The following PSTPIP2 variants were observed in gnomAD, a reference collection of about 807,000 sequenced individuals.
PSTPIP2 encodes proline-serine-threonine phosphatase interacting protein 2, also known as proline-serine-threonine phosphatase-interacting protein 2.
In PSTPIP2, 33 loss-of-function variants were observed where a neutral mutation model predicts 63.3. The observed-to-expected ratio is 0.52, with a 90% CI of 0.40 to 0.70. The LOEUF (loss-of-function observed/expected upper bound fraction) is 0.70. Ranked by LOEUF, PSTPIP2 falls within the 30% of genes least tolerant of loss-of-function variation. PSTPIP2 has a pLI of 0.00. For synonymous variants in PSTPIP2, 125 were observed against 132.7 expected (o/e 0.94, Z 0.40); for missense variants, 312 against 400.7 (o/e 0.78, Z 1.89).
rs540115510 is a variant in PSTPIP2, at chr18:45,990,688, T to C, written c.955+34A>G. 1.4e-4 allele frequency: 218 copies of C among 1,565,226 alleles called. 1 individual carries two copies. The East Asian group carries it at 4.7e-3, about 34-fold the overall frequency. On this transcript the variant is annotated intron_variant, in intron 13 of 14. Transcript: ENST00000409746. ...CAAGTGATCTGCCTGCCTTGCAATA[T>C]AAGAATTTCAAAAGACCTTTTTTAG...
At position 46,039,846 on chromosome 18, in the gene PSTPIP2, T is replaced by C. The variant is rs1306398725; in HGVS notation, c.134+101A>G. On this transcript the variant is annotated intron_variant, in intron 2 of 14. Coordinates refer to ENST00000409746, the MANE Select transcript of PSTPIP2 (RefSeq NM_024430.4). ...CATAACCTAGAGCAGAGAGAGGGTC[T>C]TCAGAACCATTAAACACAAATGAAA... 4 of 1,006,290 alleles carry C rather than the reference T, an allele frequency of 4.0e-6. No homozygotes were observed. In the Admixed American group the frequency reaches 5.3e-5, roughly 13 times the overall value. 62.3% of individuals were successfully genotyped at this position (1,006,290 alleles called of 1,614,324 possible). A position where few individuals can be genotyped will look rare whatever the true frequency, so the allele number is the denominator to read the frequency against.
intron 1 of PSTPIP2, among the ~76,000 whole-genome samples, chr18:46,068,273 A>G (rs1456815741): frequency 2.0e-5 from 3 of 152,102 alleles, no homozygotes; most frequent in African/African-American, 7.2e-5. Flanking sequence ...CATTTTATAG[A>G]AAGAATCTGA....
At chr18:46,057,813 C>T (rs570648112) in intron 1 of PSTPIP2, among the ~76,000 whole-genome samples, 3 of 151,610 alleles carry the variant, frequency 2.0e-5, no homozygotes, top group Admixed American at 6.6e-5. Context: ...CTGGCTAACA[C>T]GGTGAAACCC....
At chr18:46,040,189 G>A in intron 1 of PSTPIP2, 142 bp from the exon 2 acceptor site, 1 of 556,102 alleles carries the variant, frequency 1.8e-6, no homozygotes, top group Non-Finnish European at 3.1e-6. Flanking sequence ...CCACTTAGGA[G>A]CCTGTCAGGC....
chr18:46,041,392 A>G (rs974715714), intron 1 of PSTPIP2, among the ~76,000 whole-genome samples: 1 of 152,030 alleles, frequency 6.6e-6, no homozygotes, highest in African/African-American at 2.4e-5. Flanking sequence ...GACTACAGGG[A>G]CATGCCACCA....
intron 1 of PSTPIP2, among the ~76,000 whole-genome samples, chr18:46,048,413 T>C (rs1414840790): frequency 3.3e-5 from 5 of 152,226 alleles, no homozygotes; most frequent in Non-Finnish European, 5.9e-5. Flanking sequence ...TAAATCATCT[T>C]GTTTTAAGCA....
intron 6 of PSTPIP2, 109 bp from the exon 7 acceptor site, chr18:45,999,643 G>GA: frequency 9.5e-7 from 1 of 1,051,912 alleles, no homozygotes; most frequent in Non-Finnish European, 1.4e-6. Flanking sequence ...TCTGATTAGT[G>GA]CTCTGATTGT....
intron 5 of PSTPIP2, among the ~76,000 whole-genome samples, chr18:46,007,586 T>C (rs2051741998): frequency 6.6e-6 from 1 of 152,238 alleles, no homozygotes; most frequent in Non-Finnish European, 1.5e-5. Flanking sequence ...GCAGATCAGT[T>C]AGCAACGTTG....
intron 6 of PSTPIP2, among the ~76,000 whole-genome samples, chr18:46,001,099 G>T (rs2051660804): frequency 6.6e-6 from 1 of 152,142 alleles, no homozygotes; most frequent in African/African-American, 2.4e-5. Context: ...CTTTCCTTTG[G>T]ATAAATACCT....
chr18:45,986,197 T>A (rs960253067), intron 14 of PSTPIP2, among the ~76,000 whole-genome samples: 2 of 152,240 alleles, frequency 1.3e-5, no homozygotes, highest in Non-Finnish European at 2.9e-5. Context: ...ATTCAGTATA[T>A]GTTGTATACT....
At position 46,011,191 on chromosome 18, in the gene PSTPIP2, T is replaced by C. The variant is rs1317430919; in HGVS notation, c.344A>G (p.Gln115Arg). The change falls in exon 5 of 15, where the codon CAA becomes CGA. Residue 115 changes from glutamine (Q) to arginine (R), a missense_variant. Coordinates refer to ENST00000409746, the MANE Select transcript of PSTPIP2 (RefSeq NM_024430.4). ...GTATGCAAATCCAACCTTTTTTCGT[T>C]GTAGTTTTTGCTTTTCCCTGAATTC... ...MEEFREKQKL[Q>R]RKKTELIMDA... 6.2e-7 allele frequency: 1 copy of C among 1,613,160 alleles called. No individual in the cohort carries two copies. The highest frequency in any genetic ancestry group is 2.2e-5 in the East Asian group (1 of 44,878).
intron 2 of PSTPIP2, chr18:46,029,314 T>G: frequency 6.5e-7 from 1 of 1,539,342 alleles, no homozygotes; most frequent in Non-Finnish European, 9.0e-7. Context: ...TTGCTATCGA[T>G]GAAGACCAAA....
chr18:45,996,083 T>TG (rs2144064694), intron 9 of PSTPIP2, among the ~76,000 whole-genome samples: 1 of 152,330 alleles, frequency 6.6e-6, no homozygotes, highest in South Asian at 2.1e-4. Context: ...CCCAAAGTGC[T>TG]GGGATTACAG....
intron 1 of PSTPIP2, among the ~76,000 whole-genome samples, chr18:46,064,501 T>C (rs1909111937): frequency 7.0e-6 from 1 of 142,164 alleles, no homozygotes; most frequent in Admixed American, 7.2e-5. Flanking sequence ...GGTTTCACCA[T>C]GTTGACCAGC....
chr18:46,047,035 G>A (rs1291695815), intron 1 of PSTPIP2, among the ~76,000 whole-genome samples: 1 of 152,246 alleles, frequency 6.6e-6, no homozygotes, highest in South Asian at 2.1e-4. Context: ...TTCCTTATTC[G>A]CTTTCCTTGT....
At chr18:46,037,568 C>T (rs904186312) in intron 2 of PSTPIP2, among the ~76,000 whole-genome samples, 8 of 152,212 alleles carry the variant, frequency 5.3e-5, no homozygotes, top group African/African-American at 1.9e-4. Context: ...AAGCATCCTG[C>T]ACCCACCCGA....
chr18:46,016,130 A>C, intron 3 of PSTPIP2, 193 bp from the exon 4 acceptor site: 1 of 592,880 alleles, frequency 1.7e-6, no homozygotes. Context: ...AGGCACAAGA[A>C]ATTCTTCACT....
intron 10 of PSTPIP2, among the ~76,000 whole-genome samples, chr18:45,992,736 TAGAC>T (rs2051550803): frequency 6.6e-6 from 1 of 150,818 alleles, no homozygotes; most frequent in African/African-American, 2.5e-5. Flanking sequence ...TATTTTTTTT[TAGAC>T]AGAGTCTCGC....
chr18:45,997,670 C>CCT (rs892241663), intron 9 of PSTPIP2, 79 bp downstream of exon 9: 1 of 228,052 alleles, frequency 4.4e-6, no homozygotes, highest in African/African-American at 2.9e-5. Context: ...TCCCCTCCCC[C>CCT]CCCCGTCCTG....
Sources: gnomAD v4.1 joint callset for allele counts (sites outside exome capture counted in the v4.1 genomes callset) on GRCh38, gnomAD v4.1.1 for gene constraint, MANE v1.5 for transcripts, NCBI Gene and HGNC (gene_info 2026-07-23, HGNC 2026-07-21) for gene names.